The following RNLS variants were observed in gnomAD, a reference collection of about 807,000 sequenced individuals.
The protein encoded by RNLS is renalase.
Under a neutral mutation model 39.8 loss-of-function variants are expected in RNLS, and 39 were observed. That is an observed-to-expected ratio of 0.98 (90% CI 0.76 to 1.28). RNLS has a LOEUF of 1.28. Among genes scored for constraint, RNLS ranks in the 50% most tolerant of loss-of-function variants. The pLI, the probability that RNLS is intolerant of heterozygous loss-of-function variation, is 0.00. For missense variants in RNLS, 410 were observed against 413.3 expected (o/e 0.99, Z 0.07); for synonymous variants, 147 against 150.7 (o/e 0.98, Z 0.18).
the RNLS span, among the ~76,000 whole-genome samples, chr10:88,253,155 G>A: frequency 3.3e-5 from 5 of 152,278 alleles, no homozygotes; most frequent in African/African-American, 7.2e-5. Flanking sequence ...TTTGTAGAGC[G>A]GGTTGTGGAT....
At chr10:88,215,135 C>CTAT in the RNLS span, among the ~76,000 whole-genome samples, 125 of 151,262 alleles carry the variant, frequency 8.3e-4, 2 homozygotes, top group African/African-American at 2.7e-3. Flanking sequence ...CCTAGTATCT[C>CTAT]TATTATTATT....
chr10:88,253,835 C>T, the RNLS span, among the ~76,000 whole-genome samples: 2 of 152,154 alleles, frequency 1.3e-5, no homozygotes, highest in Non-Finnish European at 2.9e-5. Flanking sequence ...CCCCCTGGGG[C>T]GTGGACCTCA....
At chr10:88,294,710 C>T (rs1463917222) in intron 6 of RNLS, among the ~76,000 whole-genome samples, 1 of 152,096 alleles carries the variant, frequency 6.6e-6, no homozygotes, top group Non-Finnish European at 1.5e-5. Context: ...TCTTACTCAT[C>T]TTTGTATTTC....
chr10:88,245,233 C>T, the RNLS span, among the ~76,000 whole-genome samples: 26,273 of 152,140 alleles, frequency 0.17, 2,505 homozygotes, highest in Admixed American at 0.23. Flanking sequence ...ACATTTTACC[C>T]CCCTCCCTTT....
intron 4 of RNLS, among the ~76,000 whole-genome samples, chr10:88,442,791 C>T (rs1285448630): frequency 6.6e-6 from 1 of 152,186 alleles, no homozygotes; most frequent in Admixed American, 6.5e-5. Flanking sequence ...TGCCCACACG[C>T]CTGCTGTCAG....
At chr10:88,402,480 A>T (rs1211876408) in intron 4 of RNLS, among the ~76,000 whole-genome samples, 2 of 152,032 alleles carry the variant, frequency 1.3e-5, no homozygotes, top group Non-Finnish European at 1.5e-5. Flanking sequence ...TAACAAAACT[A>T]GGAGACTTTA....
At chr10:88,570,226 A>G (rs538777730) in intron 4 of RNLS, among the ~76,000 whole-genome samples, 1 of 152,364 alleles carries the variant, frequency 6.6e-6, no homozygotes, top group Admixed American at 6.5e-5. Flanking sequence ...TCAGATTTAC[A>G]TAAAAAGCAT....
intron 4 of RNLS, among the ~76,000 whole-genome samples, chr10:88,365,293 A>C (rs190174309): frequency 3.9e-5 from 6 of 152,178 alleles, no homozygotes; most frequent in Admixed American, 6.6e-5. Flanking sequence ...AGATCTTAAA[A>C]AAAAGTCTTA....
At chr10:88,533,887 C>T (rs1215249481) in intron 4 of RNLS, among the ~76,000 whole-genome samples, 1 of 152,084 alleles carries the variant, frequency 6.6e-6, no homozygotes, top group Admixed American at 6.6e-5. Context: ...TTGAAATCTT[C>T]AGCACGGAAA....
At chr10:88,339,859 C>T (rs1406641942) in intron 5 of RNLS, among the ~76,000 whole-genome samples, 1 of 152,204 alleles carries the variant, frequency 6.6e-6, no homozygotes, top group Admixed American at 6.5e-5. Context: ...TGTACTGACA[C>T]AGCAAGAGGG....
chr10:88,196,465 A>G, the RNLS span, among the ~76,000 whole-genome samples: 43 of 152,308 alleles, frequency 2.8e-4, no homozygotes, highest in East Asian at 6.9e-3. Flanking sequence ...ACCCTTTGCC[A>G]TGTGATATTG....
chr10:88,335,291 C>T (rs552965320), intron 5 of RNLS, among the ~76,000 whole-genome samples: 1 of 151,298 alleles, frequency 6.6e-6, no homozygotes, highest in South Asian at 2.1e-4. Context: ...AATTTTGGCT[C>T]ACTGCAACCT....
chr10:88,485,921 A>G (rs1042630103), intron 4 of RNLS, among the ~76,000 whole-genome samples: 2 of 152,118 alleles, frequency 1.3e-5, no homozygotes, highest in Admixed American at 1.3e-4. Flanking sequence ...AAAGTAACCT[A>G]GTCATTAACC....
At chr10:88,471,228 C>T (rs576931936) in intron 4 of RNLS, among the ~76,000 whole-genome samples, 24 of 150,546 alleles carry the variant, frequency 1.6e-4, no homozygotes, top group African/African-American at 5.4e-4. Flanking sequence ...AGGGATTATT[C>T]TATTAATATT....
chr10:88,575,175 CACACATATTAT>C (rs1191096754), intron 3 of RNLS, among the ~76,000 whole-genome samples: 1 of 124,642 alleles, frequency 8.0e-6, no homozygotes, highest in Non-Finnish European at 1.6e-5. Context: ...CACACACACA[CACACATATTAT>C]ATATATATAC....
chr10:88,473,016 C>T (rs1356928335), intron 4 of RNLS, among the ~76,000 whole-genome samples: 1 of 152,136 alleles, frequency 6.6e-6, no homozygotes, highest in African/African-American at 2.4e-5. Context: ...CTAACACAAA[C>T]CTTGATGAAC....
chr10:88,454,735 T>C (rs1842537552), intron 4 of RNLS, among the ~76,000 whole-genome samples: 2 of 152,198 alleles, frequency 1.3e-5, no homozygotes, highest in Admixed American at 1.3e-4. Flanking sequence ...ATCTTTCCCC[T>C]GTGACCAAAG....
intron 4 of RNLS, among the ~76,000 whole-genome samples, chr10:88,495,706 G>T (rs1312039693): frequency 6.6e-6 from 1 of 152,086 alleles, no homozygotes; most frequent in Non-Finnish European, 1.5e-5. Context: ...AAAGAAGAGT[G>T]GGGCAGGGAT....
chr10:88,330,419 A>T (rs926768374), intron 5 of RNLS, among the ~76,000 whole-genome samples: 1 of 152,040 alleles, frequency 6.6e-6, no homozygotes, highest in African/African-American at 2.4e-5. Context: ...TCTCAGTAAG[A>T]CATTTTGTTA....
Sources: gnomAD v4.1 joint callset for allele counts (sites outside exome capture counted in the v4.1 genomes callset) on GRCh38, gnomAD v4.1.1 for gene constraint, MANE v1.5 for transcripts, NCBI Gene and HGNC (gene_info 2026-07-23, HGNC 2026-07-21) for gene names.